GOLIM4: variants seen among roughly 807,000 people sequenced by gnomAD.
GOLIM4 encodes the protein 130 kDa golgi-localized phosphoprotein.
Under a neutral mutation model 107.4 loss-of-function variants are expected in GOLIM4, and 71 were observed. That is an observed-to-expected ratio of 0.66 (90% CI 0.55 to 0.81). The LOEUF (loss-of-function observed/expected upper bound fraction) is 0.81, where lower values mean the gene tolerates loss of function less well. GOLIM4 is among the 30% of genes least tolerant of loss of function. The pLI is 0.00. For synonymous variants in GOLIM4, 327 were observed against 294.8 expected, an observed-to-expected ratio of 1.11 and a Z score of -1.12; for missense variants, 830 against 826.1, an observed-to-expected ratio of 1.00 and a Z score of -0.06.
At chr3:168,012,801 C>G (rs370324329) in intron 14 of GOLIM4, among the ~76,000 whole-genome samples, 1 of 151,868 alleles carries the variant, frequency 6.6e-6, no homozygotes, top group Non-Finnish European at 1.5e-5. Context: ...GCTTCATAAG[C>G]GAAGGAGAAA....
At chr3:168,036,441 T>C (rs1159483754) in intron 8 of GOLIM4, among the ~76,000 whole-genome samples, 1 of 152,174 alleles carries the variant, frequency 6.6e-6, no homozygotes, top group Admixed American at 6.5e-5. Context: ...CTCGGGAGGC[T>C]GAGGCAGGGA....
chr3:168,073,114 A>T (rs1026646199), intron 1 of GOLIM4, among the ~76,000 whole-genome samples: 7 of 152,214 alleles, frequency 4.6e-5, no homozygotes, highest in African/African-American at 1.7e-4. Flanking sequence ...TAATAACTGC[A>T]CTAACCCTAA....
At chr3:168,054,591 C>T (rs1377205209) in intron 1 of GOLIM4, among the ~76,000 whole-genome samples, 3 of 151,934 alleles carry the variant, frequency 2.0e-5, no homozygotes, top group Non-Finnish European at 4.4e-5. Context: ...GATCATCATG[C>T]TTTGTTTTTA....
intron 1 of GOLIM4, among the ~76,000 whole-genome samples, chr3:168,089,476 G>A (rs1721788838): frequency 6.6e-6 from 1 of 152,190 alleles, no homozygotes; most frequent in African/African-American, 2.4e-5. Flanking sequence ...TGATTCTCAA[G>A]ATAACCTTTT....
rs1044415534 is a variant in GOLIM4, at chr3:168,076,206, A to C, written c.187+18893T>G. Among the ~76,000 whole-genome samples the C allele has an allele frequency of 3.9e-5, 6 of 152,294 alleles. No homozygotes were observed. The South Asian group carries it at 1.2e-3, about 32-fold the overall frequency. On this transcript the variant is annotated intron_variant, in intron 1 of 15. Coordinates refer to ENST00000470487, the MANE Select transcript of GOLIM4 (RefSeq NM_014498.5). ...ATTAAATATTACTGACATATTTTTC[A>C]CTTAATTTTTAAATAAAAGAATCTA...
At chr3:168,016,831 G>C (rs1173220082) in intron 14 of GOLIM4, among the ~76,000 whole-genome samples, 3 of 140,934 alleles carry the variant, frequency 2.1e-5, no homozygotes, top group African/African-American at 9.6e-5. Context: ...TCATAGGTGG[G>C]AATTGAACAA....
At chr3:168,013,497 C>G (rs1424256423) in intron 14 of GOLIM4, among the ~76,000 whole-genome samples, 1 of 143,852 alleles carries the variant, frequency 7.0e-6, no homozygotes, top group Non-Finnish European at 1.5e-5. Context: ...AGAAAGTCAA[C>G]AAGGATACCC....
At chr3:168,055,682 G>A (rs943298459) in intron 1 of GOLIM4, among the ~76,000 whole-genome samples, 1 of 151,864 alleles carries the variant, frequency 6.6e-6, no homozygotes, top group Non-Finnish European at 1.5e-5. Context: ...GGTACCTGTA[G>A]TCCCAGCTAC....
intron 1 of GOLIM4, among the ~76,000 whole-genome samples, chr3:168,060,064 G>A (rs1577552344): frequency 6.6e-6 from 1 of 151,844 alleles, no homozygotes; most frequent in Non-Finnish European, 1.5e-5. Context: ...GAGAACTTGG[G>A]ATTTTACTCT....
intron 15 of GOLIM4, 140 bp downstream of exon 15, chr3:168,010,603 A>G (rs576803617): frequency 7.1e-5 from 56 of 786,936 alleles, no homozygotes; most frequent in Non-Finnish European, 1.1e-4. Context: ...TCCTAATTTC[A>G]GGTGGGCCTG....
chr3:168,024,784 G>A (rs997277566), intron 13 of GOLIM4, 144 bp downstream of exon 13: 5 of 851,796 alleles, frequency 5.9e-6, no homozygotes, highest in Middle Eastern at 2.3e-4. Context: ...TCAGAGTACA[G>A]GCATATCATG....
At chr3:168,045,012 C>A in intron 3 of GOLIM4, 131 bp from the exon 4 acceptor site, 1 of 543,974 alleles carries the variant, frequency 1.8e-6, no homozygotes, top group Non-Finnish European at 3.2e-6. Context: ...TACATTTGAA[C>A]CAAGATGTCG....
At chr3:168,040,303 A>T (rs1374251846) in intron 7 of GOLIM4, among the ~76,000 whole-genome samples, 1 of 151,918 alleles carries the variant, frequency 6.6e-6, no homozygotes, top group African/African-American at 2.4e-5. Flanking sequence ...TTCTCTGTTG[A>T]CTCTTCTACT....
At chr3:168,031,135 C>A (rs1314182769) in intron 9 of GOLIM4, among the ~76,000 whole-genome samples, 2 of 151,968 alleles carry the variant, frequency 1.3e-5, no homozygotes, top group Non-Finnish European at 2.9e-5. Flanking sequence ...CATGTAGGAG[C>A]TTAAAAAAGC....
intron 1 of GOLIM4, among the ~76,000 whole-genome samples, chr3:168,069,033 C>T (rs1405598129): frequency 1.3e-5 from 2 of 152,116 alleles, no homozygotes; most frequent in East Asian, 3.9e-4. Flanking sequence ...GATGGGGTTT[C>T]ACCATGTTGG....
At chr3:168,056,690 C>A (rs1011858940) in intron 1 of GOLIM4, among the ~76,000 whole-genome samples, 1 of 152,206 alleles carries the variant, frequency 6.6e-6, no homozygotes, top group South Asian at 2.1e-4. Flanking sequence ...GACTGTCCTG[C>A]TGGATTTTGG....
In GOLIM4 at chr3:168,050,187, A is replaced by T. The variant is rs374655390; in HGVS notation, c.188-1822T>A. On this transcript the variant is annotated intron_variant, in intron 1 of 15. Transcript: ENST00000470487. ...ACTCTATATCTATGGCATCTCTACC[A>T]TGTACCTGGACAGAAGTGTAAAACT... Among the ~76,000 whole-genome samples, 4 of 152,162 alleles carry T rather than the reference A, an allele frequency of 2.6e-5. No homozygotes were observed. The East Asian group carries it at 7.7e-4, about 29-fold the overall frequency.
At position 168,041,462 on chromosome 3, in the gene GOLIM4, T is replaced by C. The variant is rs1182752209; in HGVS notation, c.530A>G (p.Asn177Ser). ...TAGTTGTCTATTCTCTTCTCTCAAATTGTATACAGTCTCTATTTTAGAAAA... is the reference window on the plus strand; with the variant it reads ...TAGTTGTCTATTCTCTTCTCTCAAACTGTATACAGTCTCTATTTTAGAAAA... ...ELSKLKETVY[N>S]LREENRQLRK... The change falls in exon 6 of 16, where the codon AAT becomes AGT. Residue 177 changes from asparagine to serine, a missense_variant. Asn to Ser is a conservative substitution (Grantham distance 46). Coordinates refer to ENST00000470487, the MANE Select transcript of GOLIM4 (RefSeq NM_014498.5). 2.7e-6 allele frequency: 4 copies of C among 1,508,242 alleles called. No individual in the cohort carries two copies. In the African/African-American group the frequency reaches 5.5e-5, roughly 21 times the overall value. The allele number at this position is 1,508,242 out of a possible 1,614,324, so 93.4% of individuals were successfully genotyped here. A position where few individuals can be genotyped will look rare whatever the true frequency, so the allele number is the denominator to read the frequency against.
chr3:168,057,586 C>A (rs1180016381), intron 1 of GOLIM4, among the ~76,000 whole-genome samples: 1 of 152,128 alleles, frequency 6.6e-6, no homozygotes, highest in African/African-American at 2.4e-5. Context: ...GGGGAAACCA[C>A]CCCCATGATC....
Sources: allele counts gnomAD v4.1 joint callset (sites outside exome capture counted in the v4.1 genomes callset), GRCh38; gene constraint gnomAD v4.1.1; transcripts MANE v1.5; gene names NCBI Gene and HGNC (gene_info 2026-07-23, HGNC 2026-07-21).